CACNA1C: variants seen among roughly 807,000 people sequenced by gnomAD.
CACNA1C encodes the protein voltage-dependent L-type calcium channel subunit alpha-1C.
In CACNA1C, 30 loss-of-function variants were observed where a neutral mutation model predicts 229.0. The observed-to-expected ratio is 0.13, with a 90% confidence interval of 0.10 to 0.18. The LOEUF (loss-of-function observed/expected upper bound fraction) is 0.18. Among genes scored for constraint, CACNA1C ranks in the 10% least tolerant of loss-of-function variants. The pLI, the probability that CACNA1C is intolerant of heterozygous loss-of-function variation, is 1.00. For synonymous variants in CACNA1C, 1,114 were observed against 1,132.5 expected (o/e 0.98, Z 0.33); for missense variants, 1,658 against 2,845.0 (o/e 0.58, Z 9.49).
chr12:2,511,571 T>TACACACACAC (rs35169529), intron 8 of CACNA1C, among the ~76,000 whole-genome samples: 175 of 149,994 alleles, frequency 1.2e-3, no homozygotes, highest in African/African-American at 4.1e-3. Flanking sequence ...CCTATGCATG[T>TACACACACAC]ACACACACAC....
intron 3 of CACNA1C, among the ~76,000 whole-genome samples, chr12:2,371,263 A>G (rs1420447664): frequency 6.6e-6 from 1 of 152,150 alleles, no homozygotes; most frequent in East Asian, 1.9e-4. Context: ...GACACAAAGC[A>G]TCCTTGAGGA....
At chr12:2,310,997 G>A (rs990262894) in intron 3 of CACNA1C, among the ~76,000 whole-genome samples, 5 of 152,168 alleles carry the variant, frequency 3.3e-5, no homozygotes, top group African/African-American at 9.7e-5. Context: ...CATCCGTGTA[G>A]CATCTCTTCT....
intron 3 of CACNA1C, among the ~76,000 whole-genome samples, chr12:2,336,312 C>T (rs2096694082): frequency 6.6e-6 from 1 of 152,212 alleles, no homozygotes; most frequent in Non-Finnish European, 1.5e-5. Context: ...GGCTTTATTA[C>T]ATTTAAGATA....
At chr12:2,187,505 TC>T (rs1325309317) in intron 3 of CACNA1C, among the ~76,000 whole-genome samples, 2 of 148,814 alleles carry the variant, frequency 1.3e-5, no homozygotes, top group African/African-American at 5.1e-5. Context: ...CTCAGCCTCT[TC>T]CCAAGGCTGA....
chr12:1,988,856 T>A (rs1023694114), intron 1 of CACNA1C, among the ~76,000 whole-genome samples: 3 of 152,244 alleles, frequency 2.0e-5, no homozygotes, highest in African/African-American at 7.2e-5. Context: ...ATCAAGGATT[T>A]AAACTGTCAT....
intron 37 of CACNA1C, chr12:2,668,468 T>C (rs2096358961): frequency 6.1e-6 from 1 of 163,722 alleles, no homozygotes; most frequent in Non-Finnish European, 1.3e-5. Flanking sequence ...AGGCCATCCT[T>C]GCACTGCTGT....
At chr12:2,271,433 G>A (rs555615971) in intron 3 of CACNA1C, among the ~76,000 whole-genome samples, 1 of 152,306 alleles carries the variant, frequency 6.6e-6, no homozygotes, top group South Asian at 2.1e-4. Context: ...TACCTCCAAA[G>A]GCTGTTCGCT....
rs1209450090 is a variant in CACNA1C at position 2,655,192 on chromosome 12, A to C, written c.4186A>C (p.Asn1396His). The change falls in exon 34 of 47, where the codon AAC becomes CAC. Residue 1396 changes from asparagine (N) to histidine (H), a missense_variant. This residue lies in a region of CACNA1C where 151 missense variants were observed against 344.4 expected (regional missense o/e 0.44). Coordinates refer to ENST00000399655, the MANE Select transcript of CACNA1C (RefSeq NM_000719.7). ...GAATGATACCACAGAGATCAACCGG[A>C]ACAACAACTTTCAGACCTTCCCCCA... The part of the protein sequence containing the change: ...ALNDTTEINR[N>H]NNFQTFPQAV... 6.2e-7 allele frequency: 1 copy of C among 1,613,812 alleles called. No individual in the cohort carries two copies. Among genetic ancestry groups the C allele is most frequent in the East Asian group, 2.2e-5 (1 of 44,876 alleles).
At position 2,344,983 on chromosome 12, in the gene CACNA1C, G is replaced by A. The variant is rs147593893; in HGVS notation, c.478-103993G>A. ...TTCCTAGCTTCGCAGAAGTGTGGAC[G>A]TTGATTCCAGCTTTTCCCAAACATT... On this transcript the variant is annotated intron_variant, in intron 3 of 46. Transcript: ENST00000399655. Among the ~76,000 whole-genome samples the A allele has an allele frequency of 6.8e-3, 1,019 of 150,568 alleles. 15 individuals are homozygous for A. The highest frequency in any genetic ancestry group is 4.7e-3 in the Non-Finnish European group (318 of 67,780).
chr12:2,349,658 C>T (rs1445784089), intron 3 of CACNA1C, among the ~76,000 whole-genome samples: 1 of 152,088 alleles, frequency 6.6e-6, no homozygotes, highest in Non-Finnish European at 1.5e-5. Context: ...GTAGGAAGAG[C>T]TCTGCAGTGG....
chr12:2,395,886 C>T (rs547746129), intron 3 of CACNA1C, among the ~76,000 whole-genome samples: 1 of 152,300 alleles, frequency 6.6e-6, no homozygotes, highest in African/African-American at 2.4e-5. Flanking sequence ...AGGTGCTAGG[C>T]ACAAACACAC....
chr12:2,380,322 A>C (rs545814463), intron 3 of CACNA1C, among the ~76,000 whole-genome samples: 1 of 152,298 alleles, frequency 6.6e-6, no homozygotes, highest in East Asian at 1.9e-4. Context: ...TGCAAGCTTT[A>C]ACACGTGACG....
chr12:2,334,953 C>T (rs752521292), intron 3 of CACNA1C, among the ~76,000 whole-genome samples: 5 of 152,254 alleles, frequency 3.3e-5, no homozygotes, highest in South Asian at 2.1e-4. Context: ...GCTTCTTGCA[C>T]GTTCTCTTTA....
intron 1 of CACNA1C, among the ~76,000 whole-genome samples, chr12:2,114,299 A>C (rs1289312386): frequency 6.6e-6 from 1 of 152,122 alleles, no homozygotes; most frequent in African/African-American, 2.4e-5. Flanking sequence ...ATGGCAGCTC[A>C]GGGCTGAAAG....
chr12:2,377,943 G>A (rs2098123715), intron 3 of CACNA1C, among the ~76,000 whole-genome samples: 1 of 152,154 alleles, frequency 6.6e-6, no homozygotes, highest in Non-Finnish European at 1.5e-5. Flanking sequence ...GTAAGCTTTG[G>A]GGAATGAGAG....
chr12:2,341,613 T>G (rs192574328), intron 3 of CACNA1C, among the ~76,000 whole-genome samples: 2 of 152,374 alleles, frequency 1.3e-5, no homozygotes, highest in Admixed American at 6.5e-5. Context: ...AGCAGATGTC[T>G]GTCATTGTCT....
chr12:1,979,281 T>C (rs973108086), intron 1 of CACNA1C, among the ~76,000 whole-genome samples: 3 of 151,580 alleles, frequency 2.0e-5, no homozygotes, highest in African/African-American at 7.3e-5. Context: ...CCCAAAGTGT[T>C]GGGATTACAA....
chr12:2,376,909 G>A (rs1024325048), intron 3 of CACNA1C, among the ~76,000 whole-genome samples: 8 of 152,142 alleles, frequency 5.3e-5, no homozygotes, highest in African/African-American at 1.9e-4. Flanking sequence ...TGCTCGCTAC[G>A]CCCACTAGCT....
chr12:1,982,913 T>C (rs2036564179), intron 1 of CACNA1C, among the ~76,000 whole-genome samples: 1 of 152,122 alleles, frequency 6.6e-6, no homozygotes, highest in Non-Finnish European at 1.5e-5. Flanking sequence ...TATCTGAACT[T>C]GGAGTTTTGT....
Sources: allele counts gnomAD v4.1 joint callset (sites outside exome capture counted in the v4.1 genomes callset), GRCh38; gene constraint gnomAD v4.1.1; regional missense constraint gnomAD v4.1.1; transcripts MANE v1.5; gene names NCBI Gene and HGNC (gene_info 2026-07-23, HGNC 2026-07-21).